DNAH5: variants seen among roughly 807,000 people sequenced by gnomAD.
DNAH5 encodes the protein axonemal beta dynein heavy chain 5.
DNAH5 carries 372 observed loss-of-function variants against 518.2 expected under a neutral mutation model. The observed-to-expected ratio is 0.72, with a 90% confidence interval of 0.66 to 0.78. DNAH5 has a LOEUF of 0.78. Ranked by LOEUF, DNAH5 falls within the 30% of genes least tolerant of loss-of-function variation. The pLI, the probability that DNAH5 is intolerant of heterozygous loss-of-function variation, is 0.00. For missense variants in DNAH5, 5,523 were observed against 5,687.0 expected (o/e 0.97, Z 0.93); for synonymous variants, 2,039 against 2,025.9 (o/e 1.01, Z -0.17).
At chr5:13,750,071 G>A (rs1268898583) in intron 65 of DNAH5, among the ~76,000 whole-genome samples, 2 of 152,108 alleles carry the variant, frequency 1.3e-5, no homozygotes, top group Non-Finnish European at 2.9e-5. Flanking sequence ...AAAGGGAAGG[G>A]AGAGAGAAGG....
At chr5:13,999,285 T>C (rs960366243) in intron 1 of DNAH5, among the ~76,000 whole-genome samples, 3 of 152,262 alleles carry the variant, frequency 2.0e-5, no homozygotes, top group African/African-American at 7.2e-5. Flanking sequence ...AGGTACAACA[T>C]TGTACAACAG....
At chr5:13,922,370 T>A in intron 4 of DNAH5, 42 bp from the exon 5 acceptor site, 1 of 1,541,960 alleles carries the variant, frequency 6.5e-7, no homozygotes, top group Non-Finnish European at 8.9e-7. Context: ...AAAATCATCC[T>A]CAAATGCAAC....
At chr5:13,933,897 T>C (rs972444905) in intron 1 of DNAH5, among the ~76,000 whole-genome samples, 4 of 151,938 alleles carry the variant, frequency 2.6e-5, no homozygotes, top group African/African-American at 9.7e-5. Flanking sequence ...GCAACAATGC[T>C]ACACAGGATT....
At chr5:13,991,061 G>A (rs1323211330) in intron 1 of DNAH5, among the ~76,000 whole-genome samples, 1 of 152,124 alleles carries the variant, frequency 6.6e-6, no homozygotes, top group African/African-American at 2.4e-5. Context: ...TCGGGGGCTG[G>A]ATTGACTTCT....
At chr5:13,843,282 G>C (rs1485856451) in intron 32 of DNAH5, among the ~76,000 whole-genome samples, 4 of 152,066 alleles carry the variant, frequency 2.6e-5, no homozygotes, top group Non-Finnish European at 5.9e-5. Flanking sequence ...CTGTACCAGA[G>C]AATGTTTCTG....
chr5:13,974,108 T>G (rs998097432), intron 1 of DNAH5, among the ~76,000 whole-genome samples: 15 of 152,056 alleles, frequency 9.9e-5, no homozygotes, highest in Non-Finnish European at 1.9e-4. Flanking sequence ...TTCTTTTGTC[T>G]TTTCTTTATT....
intron 76 of DNAH5, 113 bp downstream of exon 76, chr5:13,708,010 C>T (rs1222732732): frequency 7.8e-7 from 1 of 1,290,294 alleles, no homozygotes; most frequent in Non-Finnish European, 1.1e-6. Flanking sequence ...GGGCTTCGTC[C>T]CTGTGCAAAA....
intron 1 of DNAH5, among the ~76,000 whole-genome samples, chr5:14,011,565 G>C (rs1785124303): frequency 6.6e-6 from 1 of 152,148 alleles, no homozygotes; most frequent in Non-Finnish European, 1.5e-5. Context: ...GCGAGCCAGG[G>C]AACCCCGGGC....
chr5:13,816,647 A>T (rs970651468), intron 42 of DNAH5, among the ~76,000 whole-genome samples: 1 of 152,180 alleles, frequency 6.6e-6, no homozygotes, highest in African/African-American at 2.4e-5. Flanking sequence ...GGAACAAATC[A>T]GGAATAAAAT....
At chr5:14,007,264 AG>A (rs781742151) in intron 1 of DNAH5, among the ~76,000 whole-genome samples, 2 of 152,202 alleles carry the variant, frequency 1.3e-5, no homozygotes, top group Non-Finnish European at 2.9e-5. Context: ...CTGCATCACA[AG>A]CTCTTTCATT....
At chr5:13,925,197 C>G (rs376437197) in intron 3 of DNAH5, among the ~76,000 whole-genome samples, 3 of 152,096 alleles carry the variant, frequency 2.0e-5, no homozygotes, top group African/African-American at 4.8e-5. Flanking sequence ...TCACCTGGGT[C>G]TCATGAGTAA....
intron 27 of DNAH5, 131 bp downstream of exon 27, chr5:13,865,537 T>A (rs1259873441): frequency 2.7e-6 from 2 of 745,518 alleles, no homozygotes; most frequent in East Asian, 2.5e-5. Flanking sequence ...AAGAGTGATG[T>A]CAATGGACAA....
At chr5:13,992,819 A>C (rs1036191115) in intron 1 of DNAH5, among the ~76,000 whole-genome samples, 1 of 152,194 alleles carries the variant, frequency 6.6e-6, no homozygotes, top group Non-Finnish European at 1.5e-5. Context: ...CACTGGGTGT[A>C]TATTTCCATA....
At chr5:13,763,819 A>G (rs1380456458) in intron 59 of DNAH5, among the ~76,000 whole-genome samples, 2 of 152,254 alleles carry the variant, frequency 1.3e-5, no homozygotes, top group East Asian at 3.8e-4. Flanking sequence ...GGTGACAATG[A>G]CAAATGCAAG....
At chr5:13,972,894 C>T (rs1204753875) in intron 1 of DNAH5, among the ~76,000 whole-genome samples, 1 of 152,064 alleles carries the variant, frequency 6.6e-6, no homozygotes, top group Admixed American at 6.6e-5. Flanking sequence ...ATTATTTTGC[C>T]CCCCAAAAAA....
At chr5:13,752,336 G>A (rs1205201262) in intron 63 of DNAH5, 47 bp from the exon 64 acceptor site, 24 of 1,592,796 alleles carry the variant, frequency 1.5e-5, no homozygotes, top group Non-Finnish European at 1.6e-5. Context: ...TTACCATGAA[G>A]CAATGCACAG....
At chr5:13,804,690 C>T (rs1759301063) in intron 47 of DNAH5, among the ~76,000 whole-genome samples, 1 of 152,214 alleles carries the variant, frequency 6.6e-6, no homozygotes, top group African/African-American at 2.4e-5. Context: ...GTTAACTCCA[C>T]CTTAACACTG....
chr5:13,918,120 C>G (rs891530152), intron 7 of DNAH5, among the ~76,000 whole-genome samples: 19 of 152,160 alleles, frequency 1.2e-4, no homozygotes, highest in Non-Finnish European at 2.6e-4. Context: ...GATGGGATGT[C>G]ACTTCCAGAA....
At chr5:13,692,402 C>T (rs1169010954) in intron 78 of DNAH5, among the ~76,000 whole-genome samples, 2 of 152,156 alleles carry the variant, frequency 1.3e-5, no homozygotes, top group Non-Finnish European at 2.9e-5. Context: ...AACTCATGCC[C>T]ACATGCTTCC....
Sources: gnomAD v4.1 joint callset for allele counts (sites outside exome capture counted in the v4.1 genomes callset) on GRCh38, gnomAD v4.1.1 for gene constraint, MANE v1.5 for transcripts, NCBI Gene and HGNC (gene_info 2026-07-23, HGNC 2026-07-21) for gene names.